Variants in VWC2L observed in about 807,000 individuals in gnomAD.
The protein encoded by VWC2L is von Willebrand factor C domain containing 2 like.
Under a neutral mutation model 21.6 loss-of-function variants are expected in VWC2L, and 10 were observed. The ratio of observed to expected loss-of-function variants is 0.46; its 90% CI spans 0.29 to 0.78. The LOEUF is 0.78. Ranked by LOEUF, VWC2L falls within the 30% of genes least tolerant of loss-of-function variation. VWC2L has a pLI of 0.10. For missense variants in VWC2L, 209 were observed against 277.1 expected (o/e 0.75, Z 1.74); for synonymous variants, 96 against 94.3 (o/e 1.02, Z -0.10).
At chr2:214,458,411 T>A (rs1325141269) in intron 3 of VWC2L, among the ~76,000 whole-genome samples, 3 of 152,090 alleles carry the variant, frequency 2.0e-5, no homozygotes, top group African/African-American at 7.2e-5. Context: ...ATGTTGATGT[T>A]TTTTAGCTTC....
At chr2:214,543,081 T>C (rs1689652905) in intron 3 of VWC2L, among the ~76,000 whole-genome samples, 1 of 152,206 alleles carries the variant, frequency 6.6e-6, no homozygotes, top group African/African-American at 2.4e-5. Flanking sequence ...CTCTGGCAGA[T>C]ACTCAGTGGC....
intron 2 of VWC2L, among the ~76,000 whole-genome samples, chr2:214,419,884 C>A (rs1702410618): frequency 6.6e-6 from 1 of 152,070 alleles, no homozygotes; most frequent in Non-Finnish European, 1.5e-5. Context: ...CATGGTGAAA[C>A]CCTGCCTCTA....
At chr2:214,433,649 T>G (rs1702635746) in intron 2 of VWC2L, among the ~76,000 whole-genome samples, 1 of 152,160 alleles carries the variant, frequency 6.6e-6, no homozygotes, top group Non-Finnish European at 1.5e-5. Context: ...ACACTGTAAA[T>G]GGGAAGGATT....
chr2:214,438,347 A>T (rs973125934), intron 3 of VWC2L, among the ~76,000 whole-genome samples: 1 of 152,022 alleles, frequency 6.6e-6, no homozygotes, highest in Admixed American at 6.6e-5. Context: ...TACCTAATCA[A>T]TCTTTAAAAA....
chr2:214,414,544 A>C lies in VWC2L; in HGVS notation c.351A>C (p.Glu117Asp). 1 of 1,613,028 alleles carries C rather than the reference A, an allele frequency of 6.2e-7. No homozygotes were observed. The highest frequency in any genetic ancestry group is 1.1e-5 in the South Asian group (1 of 90,896). The change falls in exon 2 of 4, where the codon GAA becomes GAC. Residue 117 changes from glutamate (E) to aspartate (D), a missense_variant. Glu to Asp is a conservative substitution (Grantham distance 45, BLOSUM62 2). Transcript: ENST00000312504. ...GCAAAGAAGTAAAAAACTTCTGTGA[A>C]TATCACGGGAAAAATTACAAAATCT... is the stretch of plus-strand genomic sequence containing the variant. Reference protein sequence around the residue: ...PECKEVKNFCEYHGKNYKILE... With the variant: ...PECKEVKNFCDYHGKNYKILE...
At chr2:214,451,318 G>A (rs993561297) in intron 3 of VWC2L, among the ~76,000 whole-genome samples, 4 of 148,324 alleles carry the variant, frequency 2.7e-5, no homozygotes, top group Admixed American at 2.7e-4. Flanking sequence ...TGGGGGGGGG[G>A]GGCAGTAAAA....
At chr2:214,420,542 C>A (rs1702423490) in intron 2 of VWC2L, among the ~76,000 whole-genome samples, 1 of 152,122 alleles carries the variant, frequency 6.6e-6, no homozygotes, top group Non-Finnish European at 1.5e-5. Flanking sequence ...GATGTTTACA[C>A]AAGGCAAAGG....
intron 2 of VWC2L, 187 bp from the exon 3 acceptor site, chr2:214,436,442 T>C: frequency 1.6e-6 from 1 of 636,644 alleles, no homozygotes; most frequent in Non-Finnish European, 2.6e-6. Flanking sequence ...GAGTGCAGGT[T>C]GTAATCCACT....
intron 3 of VWC2L, among the ~76,000 whole-genome samples, chr2:214,502,264 A>G (rs751686260): frequency 1.3e-5 from 2 of 152,150 alleles, no homozygotes; most frequent in Non-Finnish European, 2.9e-5. Flanking sequence ...AAGTGTAAAT[A>G]TAAAGCATAG....
chr2:214,485,187 G>A (rs959895702), intron 3 of VWC2L, among the ~76,000 whole-genome samples: 5 of 152,054 alleles, frequency 3.3e-5, no homozygotes, highest in Non-Finnish European at 7.4e-5. Context: ...GGGCATGGTG[G>A]TGCATGCCTG....
intron 3 of VWC2L, among the ~76,000 whole-genome samples, chr2:214,502,473 G>A (rs896719713): frequency 6.6e-6 from 1 of 152,158 alleles, no homozygotes; most frequent in African/African-American, 2.4e-5. Flanking sequence ...GGGAGGCTGA[G>A]GCAAGAGAAT....
chr2:214,543,038 C>T (rs1386271963), intron 3 of VWC2L, among the ~76,000 whole-genome samples: 1 of 152,120 alleles, frequency 6.6e-6, no homozygotes, highest in Non-Finnish European at 1.5e-5. Context: ...TTACTCACAC[C>T]TCAAGGAATG....
intron 3 of VWC2L, among the ~76,000 whole-genome samples, chr2:214,541,168 G>A (rs1689620404): frequency 6.6e-6 from 1 of 152,154 alleles, no homozygotes; most frequent in African/African-American, 2.4e-5. Flanking sequence ...GGGATGAAGA[G>A]CATTATGTCC....
chr2:214,571,718 C>A (rs967013723), intron 3 of VWC2L, among the ~76,000 whole-genome samples: 1 of 152,124 alleles, frequency 6.6e-6, no homozygotes. Flanking sequence ...GACCGATATT[C>A]TCTCTCATTC....
intron 3 of VWC2L, among the ~76,000 whole-genome samples, chr2:214,489,440 A>G (rs1464611019): frequency 6.6e-6 from 1 of 152,226 alleles, no homozygotes; most frequent in African/African-American, 2.4e-5. Context: ...AAGAAATGCC[A>G]AGGGCTAGAA....
chr2:214,464,939 C>T (rs1213987395), intron 3 of VWC2L, among the ~76,000 whole-genome samples: 1 of 152,210 alleles, frequency 6.6e-6, no homozygotes, highest in Non-Finnish European at 1.5e-5. Context: ...GTGACAATTA[C>T]TGTCTGGCTA....
intron 3 of VWC2L, among the ~76,000 whole-genome samples, chr2:214,479,751 A>G (rs972234501): frequency 5.3e-5 from 8 of 152,222 alleles, no homozygotes; most frequent in African/African-American, 1.9e-4. Context: ...AGATCGTGCC[A>G]TTGCCCTCCA....
intron 3 of VWC2L, among the ~76,000 whole-genome samples, chr2:214,494,327 T>C (rs550256590): frequency 6.6e-6 from 1 of 152,326 alleles, no homozygotes; most frequent in South Asian, 2.1e-4. Flanking sequence ...ATTTGGAATG[T>C]TTTTAGCAAG....
intron 3 of VWC2L, among the ~76,000 whole-genome samples, chr2:214,480,513 C>T (rs1209210033): frequency 1.9e-4 from 29 of 152,168 alleles, no homozygotes; most frequent in Admixed American, 2.6e-4. Context: ...GAATCACGCT[C>T]AGTTTAGAAA....
Sources: allele counts gnomAD v4.1 joint callset (sites outside exome capture counted in the v4.1 genomes callset), GRCh38; gene constraint gnomAD v4.1.1; transcripts MANE v1.5; gene names NCBI Gene and HGNC (gene_info 2026-07-23, HGNC 2026-07-21).